The following SUSD5 variants were observed in gnomAD, a reference collection of about 807,000 sequenced individuals.
The protein encoded by SUSD5 is sushi domain containing 5.
In SUSD5, 33 loss-of-function variants were observed where a neutral mutation model predicts 29.5. That is an observed-to-expected ratio of 1.12 (90% CI 0.85 to 1.49). The LOEUF (loss-of-function observed/expected upper bound fraction) is 1.49. SUSD5 is among the 40% of genes most tolerant of loss of function. SUSD5 has a pLI of 0.00. For synonymous variants in SUSD5, 308 were observed against 325.3 expected (o/e 0.95, Z 0.57); for missense variants, 776 against 800.6 (o/e 0.97, Z 0.37).
chr3:33,207,929 GA>G lies in SUSD5; in HGVS notation c.291-4del, dbSNP rs2032253213. On this transcript the variant is annotated splice_region_variant and splice_polypyrimidine_tract_variant and intron_variant, in intron 2 of 4. Transcript: ENST00000309558. ...TTCCTTTGCTACACACAGTTGTTCT[GA>G]AATAGACAAAAAAGGCACTGAATGA... The G allele has an allele frequency of 6.2e-7, 1 of 1,608,054 alleles. No individual in the cohort carries two copies. Among genetic ancestry groups the G allele is most frequent in the East Asian group, 2.2e-5 (1 of 44,812 alleles).
intron 3 of SUSD5, among the ~76,000 whole-genome samples, chr3:33,179,447 G>A (rs1020654524): frequency 1.3e-5 from 2 of 152,076 alleles, no homozygotes; most frequent in African/African-American, 4.8e-5. Context: ...TATACTAAAG[G>A]GGGAAACCCA....
At position 33,186,910 on chromosome 3, in the gene SUSD5, C is replaced by T. The variant is rs540002263; in HGVS notation, c.410-11836G>A. On this transcript the variant is annotated intron_variant, in intron 3 of 4. Coordinates refer to ENST00000309558, the MANE Select transcript of SUSD5 (RefSeq NM_015551.2). ...TGCTTATTTCACCTATATGGCAATT[C>T]GGGACAAGCAGTTATCTGAAACCCT... Among the ~76,000 whole-genome samples, 6 of 152,236 alleles carry T rather than the reference C, an allele frequency of 3.9e-5. No homozygotes were observed. In the South Asian group the frequency reaches 8.3e-4, roughly 21 times the overall value.
intron 3 of SUSD5, among the ~76,000 whole-genome samples, chr3:33,192,915 A>G (rs1443965528): frequency 1.3e-5 from 2 of 152,042 alleles, no homozygotes; most frequent in Admixed American, 6.6e-5. Context: ...TCCTTTTCCC[A>G]CTAATTTGAA....
chr3:33,163,921 A>G (rs1575529094), intron 4 of SUSD5, among the ~76,000 whole-genome samples: 1 of 152,218 alleles, frequency 6.6e-6, no homozygotes, highest in East Asian at 1.9e-4. Context: ...AATGGTGTGA[A>G]CCCGGGAGGC....
intron 4 of SUSD5, among the ~76,000 whole-genome samples, chr3:33,163,803 CTGGCTAACACAGTG>C (rs2031243987): frequency 6.6e-6 from 1 of 152,200 alleles, no homozygotes; most frequent in African/African-American, 2.4e-5. Flanking sequence ...CGAGACCATC[CTGGCTAACACAGTG>C]AAGCCCCATC....
intron 3 of SUSD5, among the ~76,000 whole-genome samples, chr3:33,205,096 C>A: frequency 6.6e-6 from 1 of 151,888 alleles, no homozygotes; most frequent in Non-Finnish European, 1.5e-5. Context: ...ATATGACGTC[C>A]CTTTGTCCCT....
intron 4 of SUSD5, among the ~76,000 whole-genome samples, chr3:33,165,215 C>T (rs1029537514): frequency 2.1e-4 from 32 of 152,158 alleles, no homozygotes; most frequent in African/African-American, 7.7e-4. Context: ...CACAGAGCAA[C>T]ATGTATGTGT....
Position 33,218,578 on chromosome 3 carries a change from C to A in SUSD5, c.112+108G>T, listed in dbSNP as rs1218740079. 3.0e-6 allele frequency: 3 copies of A among 1,014,660 alleles called. No homozygotes were observed. The African/African-American group carries it at 5.0e-5, about 17-fold the overall frequency. The allele number at this position is 1,014,660 out of a possible 1,614,324, so 62.9% of individuals were successfully genotyped here. On this transcript the variant is annotated intron_variant, in intron 1 of 4. Transcript: ENST00000309558. ...GGCTCGTTCGTTCCTCTCAGGCTTGCGCTTGCCGCTTGCCGGGCCGGTCAG... is the reference window on the plus strand; with the variant it reads ...GGCTCGTTCGTTCCTCTCAGGCTTGAGCTTGCCGCTTGCCGGGCCGGTCAG...
At chr3:33,179,598 G>T (rs1051469347) in intron 3 of SUSD5, among the ~76,000 whole-genome samples, 1 of 152,182 alleles carries the variant, frequency 6.6e-6, no homozygotes. Context: ...TTCAGGCTGG[G>T]TGCTACACAG....
At chr3:33,187,775 G>A (rs2031809672) in intron 3 of SUSD5, among the ~76,000 whole-genome samples, 1 of 151,464 alleles carries the variant, frequency 6.6e-6, no homozygotes, top group African/African-American at 2.4e-5. Context: ...TTAACGTTAG[G>A]TATATCTCCT....
At chr3:33,213,280 C>T (rs984718916) in intron 2 of SUSD5, among the ~76,000 whole-genome samples, 4 of 151,916 alleles carry the variant, frequency 2.6e-5, no homozygotes, top group Non-Finnish European at 4.4e-5. Context: ...GTGGCACATG[C>T]CTATAGTCTT....
At chr3:33,181,545 T>C (rs936758582) in intron 3 of SUSD5, among the ~76,000 whole-genome samples, 4 of 151,756 alleles carry the variant, frequency 2.6e-5, no homozygotes, top group African/African-American at 7.3e-5. Context: ...GATATTTTTT[T>C]CCCCCTTTGG....
chr3:33,200,105 A>G (rs2032086931), intron 3 of SUSD5, among the ~76,000 whole-genome samples: 1 of 152,208 alleles, frequency 6.6e-6, no homozygotes, highest in South Asian at 2.1e-4. Context: ...ATGAGGGTAG[A>G]AACTTCATTG....
intron 3 of SUSD5, among the ~76,000 whole-genome samples, chr3:33,203,763 G>A (rs890807835): frequency 6.6e-6 from 1 of 152,152 alleles, no homozygotes; most frequent in South Asian, 2.1e-4. Context: ...TGCCCTCGTT[G>A]TGCCCGGGTC....
intron 1 of SUSD5, among the ~76,000 whole-genome samples, chr3:33,216,055 C>T (rs2032423385): frequency 6.6e-6 from 1 of 151,940 alleles, no homozygotes; most frequent in Non-Finnish European, 1.5e-5. Flanking sequence ...CCAAAAGTTG[C>T]TTTTTTCAAA....
chr3:33,162,907 AACTCCATCTC>A, intron 4 of SUSD5, among the ~76,000 whole-genome samples: 1 of 124,026 alleles, frequency 8.1e-6, no homozygotes. Context: ...ACGAGAGCAA[AACTCCATCTC>A]AAAAAAAAAA....
chr3:33,195,391 T>C (rs2031976459), intron 3 of SUSD5, among the ~76,000 whole-genome samples: 2 of 152,148 alleles, frequency 1.3e-5, no homozygotes, highest in South Asian at 4.1e-4. Flanking sequence ...ACCAGCTCTC[T>C]TGGGAAGGGG....
intron 3 of SUSD5, chr3:33,190,142 T>G (rs527495256): frequency 6.5e-6 from 1 of 152,934 alleles, no homozygotes; most frequent in African/African-American, 2.4e-5. Context: ...TGATCTAAAT[T>G]CTGGTATATG....
rs2031966483 is a variant in SUSD5, at chr3:33,194,949, C to G, written c.409+12859G>C. On this transcript the variant is annotated intron_variant, in intron 3 of 4. Transcript: ENST00000309558. Reference sequence around the variant, plus strand: ...GTGGCTCACACCTGTAATCCCAGCACTTTGGGAGGCCGAGGTGGGTGGATC... The same window carrying G: ...GTGGCTCACACCTGTAATCCCAGCAGTTTGGGAGGCCGAGGTGGGTGGATC... 2.0e-5 allele frequency among the ~76,000 whole-genome samples: 3 copies of G among 152,298 alleles called. No homozygotes were observed. In the South Asian group the frequency reaches 6.2e-4, roughly 32 times the overall value.
Sources: allele counts gnomAD v4.1 joint callset (sites outside exome capture counted in the v4.1 genomes callset), GRCh38; gene constraint gnomAD v4.1.1; transcripts MANE v1.5; gene names NCBI Gene and HGNC (gene_info 2026-07-23, HGNC 2026-07-21).